The following SEC14L5 variants were observed in gnomAD, a reference collection of about 807,000 sequenced individuals.
SEC14L5 encodes SEC14-like protein 5.
SEC14L5 carries 96 observed loss-of-function variants against 84.6 expected under a neutral mutation model. The ratio of observed to expected loss-of-function variants is 1.13; its 90% confidence interval spans 0.96 to 1.34. The LOEUF (loss-of-function observed/expected upper bound fraction) is 1.34. Ranked by LOEUF, SEC14L5 falls within the 40% of genes most tolerant of loss-of-function variation. The probability of loss-of-function intolerance (pLI) is 0.00; values close to 1 mark genes in which losing one functional copy is unlikely to be tolerated. For missense variants in SEC14L5, 1,224 were observed against 942.5 expected (o/e 1.30, Z -3.91); for synonymous variants, 546 against 383.4 (o/e 1.42, Z -4.95).
Position 4,996,333 on chromosome 16 carries a change from C to T in SEC14L5, c.668-15C>T. On this transcript the variant is annotated splice_polypyrimidine_tract_variant and intron_variant, in intron 6 of 15. Transcript: ENST00000251170. ...CGTCTCCCTCTTGTCCTGAAGCTCC[C>T]CCTTCTCCTCCAAGGGGACAAGCTG... 4 of 1,477,724 alleles carry T rather than the reference C, an allele frequency of 2.7e-6. No homozygotes were observed. In the East Asian group the frequency reaches 9.9e-5, roughly 36 times the overall value. 91.5% of individuals were successfully genotyped at this position (1,477,724 alleles called of 1,614,324 possible).
In SEC14L5 at chr16:5,010,908, TG is replaced by T. The variant is rs1955792228; in HGVS notation, c.1801-183del. 1.2e-5 allele frequency: 7 copies of T among 598,752 alleles called. No homozygotes were observed. The East Asian group carries it at 1.9e-4, about 17-fold the overall frequency. 37.1% of individuals were successfully genotyped at this position (598,752 alleles called of 1,614,324 possible). A position where few individuals can be genotyped will look rare whatever the true frequency, so the allele number is the denominator to read the frequency against. On this transcript the variant is annotated intron_variant, in intron 14 of 15. Coordinates refer to ENST00000251170, the MANE Select transcript of SEC14L5 (RefSeq NM_014692.2). ...GAGGGAGGCTCTGGTCCCAGGGATATGGGGATAATAGCAAGGATGGCTTCCA... is the reference window on the plus strand; with the variant it reads ...GAGGGAGGCTCTGGTCCCAGGGATATGGGATAATAGCAAGGATGGCTTCCA...
At chr16:4,960,611 A>G (rs1325532699) in intron 2 of SEC14L5, 1 of 152,224 alleles carries the variant, frequency 6.6e-6, no homozygotes, top group Admixed American at 6.5e-5. Context: ...AGAGGCAGGA[A>G]CTGGCTTAGG....
chr16:4,971,867 A>T (rs1955284712), intron 2 of SEC14L5, among the ~76,000 whole-genome samples: 1 of 152,158 alleles, frequency 6.6e-6, no homozygotes, highest in Non-Finnish European at 1.5e-5. Context: ...ACAATGTCCC[A>T]GGTGTTGTAC....
intron 15 of SEC14L5, among the ~76,000 whole-genome samples, chr16:5,012,344 G>C (rs1277383792): frequency 6.6e-6 from 1 of 152,180 alleles, no homozygotes; most frequent in Admixed American, 6.5e-5. Flanking sequence ...GGCTGGGCCA[G>C]ACGCTGCACA....
intron 2 of SEC14L5, among the ~76,000 whole-genome samples, chr16:4,967,487 C>T (rs146821401): frequency 6.7e-6 from 1 of 150,032 alleles, no homozygotes; most frequent in East Asian, 2.0e-4. Flanking sequence ...GGGATTTGAA[C>T]TCAGGGAATC....
intron 2 of SEC14L5, among the ~76,000 whole-genome samples, chr16:4,979,815 C>T (rs1018907813): frequency 6.6e-6 from 1 of 152,194 alleles, no homozygotes; most frequent in Non-Finnish European, 1.5e-5. Context: ...CCCTCCATCC[C>T]CTTCCCTGCA....
At chr16:4,976,482 A>C (rs548884595) in intron 2 of SEC14L5, among the ~76,000 whole-genome samples, 1 of 152,346 alleles carries the variant, frequency 6.6e-6, no homozygotes, top group Non-Finnish European at 1.5e-5. Context: ...AAGCAATAAA[A>C]TAGGCCCACC....
At chr16:5,006,953 AC>A (rs1955738537) in intron 12 of SEC14L5, among the ~76,000 whole-genome samples, 1 of 150,926 alleles carries the variant, frequency 6.6e-6, no homozygotes, top group Non-Finnish European at 1.5e-5. Context: ...TGACTGTTCC[AC>A]CCCCGCCTGT....
intron 8 of SEC14L5, among the ~76,000 whole-genome samples, chr16:4,999,161 C>T (rs1031318894): frequency 6.6e-6 from 1 of 152,120 alleles, no homozygotes; most frequent in African/African-American, 2.4e-5. Context: ...CAGAATTGCG[C>T]CTAGCTTTCC....
chr16:5,003,320 C>A, intron 10 of SEC14L5, 82 bp from the exon 11 acceptor site: 5 of 1,097,844 alleles, frequency 4.6e-6, no homozygotes, highest in Non-Finnish European at 6.8e-6. Flanking sequence ...TCGGAGCCTC[C>A]CTGTTCATCC....
At chr16:4,966,922 C>A (rs1337467435) in intron 2 of SEC14L5, among the ~76,000 whole-genome samples, 9 of 152,190 alleles carry the variant, frequency 5.9e-5, no homozygotes, top group Admixed American at 5.9e-4. Flanking sequence ...GGCCCTGGCC[C>A]CTGGCACACC....
At chr16:5,003,624 G>GGGGGGGGGGGGGGGGGGGCCC in intron 11 of SEC14L5, 51 bp downstream of exon 11, 1 of 305,312 alleles carries the variant, frequency 3.3e-6, no homozygotes, top group Non-Finnish European at 6.5e-6. Flanking sequence ...GGTGGGATGG[G>GGGGGGGGGGGGGGGGGGGCCC]AGGGGTTCCG....
At chr16:5,002,536 C>A (rs771713249) in intron 10 of SEC14L5, among the ~76,000 whole-genome samples, 1 of 151,926 alleles carries the variant, frequency 6.6e-6, no homozygotes, top group Non-Finnish European at 1.5e-5. Context: ...TCTAAGGACA[C>A]GTATGTTGGG....
In SEC14L5 at chr16:5,002,215, G is replaced by A. The variant is rs781639806; in HGVS notation, c.1131-1187G>A. 2.6e-5 allele frequency among the ~76,000 whole-genome samples: 4 copies of A among 152,138 alleles called. No individual in the cohort carries two copies. The South Asian group carries it at 8.3e-4, about 32-fold the overall frequency. On this transcript the variant is annotated intron_variant, in intron 10 of 15. Coordinates refer to ENST00000251170, the MANE Select transcript of SEC14L5 (RefSeq NM_014692.2). ...CTCCTAAACAGCCCTGTGAGACACG[G>A]GCAGGCAGGAGCTGCTGCTTCAGCT...
intron 2 of SEC14L5, among the ~76,000 whole-genome samples, chr16:4,965,416 C>G (rs1037535119): frequency 1.5e-4 from 23 of 152,172 alleles, no homozygotes; most frequent in African/African-American, 5.5e-4. Context: ...AATCCCAGCA[C>G]TTTAGGAGGC....
chr16:4,971,486 C>G lies in SEC14L5; in HGVS notation c.63+12100C>G, dbSNP rs369183014. Among the ~76,000 whole-genome samples the G allele has an allele frequency of 1.8e-4, 28 of 152,164 alleles. No individual in the cohort carries two copies. The South Asian group carries it at 5.8e-3, about 32-fold the overall frequency. On this transcript the variant is annotated intron_variant, in intron 2 of 15. Coordinates refer to ENST00000251170, the MANE Select transcript of SEC14L5 (RefSeq NM_014692.2). ...AAACAAACAACAATAACAACAACAA[C>G]CAAAAAAACTGGCAAAACTCTCCCT... is the stretch of plus-strand genomic sequence containing the variant.
intron 15 of SEC14L5, among the ~76,000 whole-genome samples, chr16:5,011,554 G>A (rs116826347): frequency 0.019 from 2,852 of 152,272 alleles, 82 homozygotes; most frequent in African/African-American, 0.065. Flanking sequence ...AGGAGAAGGG[G>A]AGTCTTAAAC....
chr16:4,995,759 T>C (rs932785445), intron 6 of SEC14L5, among the ~76,000 whole-genome samples: 1 of 151,944 alleles, frequency 6.6e-6, no homozygotes, highest in Non-Finnish European at 1.5e-5. Flanking sequence ...CCTGAGTAGC[T>C]GGGATTACAG....
chr16:4,982,078 C>T (rs1955430875), intron 2 of SEC14L5, among the ~76,000 whole-genome samples: 2 of 152,168 alleles, frequency 1.3e-5, no homozygotes, highest in East Asian at 1.9e-4. Context: ...GTGTTTGTCG[C>T]AGCAACTGAC....
Sources: allele counts gnomAD v4.1 joint callset (sites outside exome capture counted in the v4.1 genomes callset), GRCh38; gene constraint gnomAD v4.1.1; transcripts MANE v1.5; gene names NCBI Gene and HGNC (gene_info 2026-07-23, HGNC 2026-07-21).